FAM177A1: variants seen among roughly 807,000 people sequenced by gnomAD.
FAM177A1 encodes protein FAM177A1.
FAM177A1 carries 22 observed loss-of-function variants against 26.1 expected under a neutral mutation model. The observed-to-expected ratio is 0.84, with a 90% CI of 0.60 to 1.20. The LOEUF (loss-of-function observed/expected upper bound fraction) is 1.20, where lower values mean the gene tolerates loss of function less well. Among genes scored for constraint, FAM177A1 ranks in the 50% most tolerant of loss-of-function variants. FAM177A1 has a pLI of 0.00. For synonymous variants in FAM177A1, 95 were observed against 99.3 expected (o/e 0.96, Z 0.26); for missense variants, 296 against 291.1 (o/e 1.02, Z -0.12).
intron 2 of FAM177A1, among the ~76,000 whole-genome samples, chr14:35,071,840 A>G (rs917354245): frequency 6.6e-6 from 1 of 152,200 alleles, no homozygotes; most frequent in South Asian, 2.1e-4. Flanking sequence ...AAATCTGCCT[A>G]TAACTTTTTA....
intron 2 of FAM177A1, among the ~76,000 whole-genome samples, chr14:35,069,083 C>T (rs1466415707): frequency 6.6e-6 from 1 of 152,196 alleles, no homozygotes; most frequent in African/African-American, 2.4e-5. Flanking sequence ...ATGGTTTTCT[C>T]AGTGCTATTA....
chr14:35,046,635 G>T lies in FAM177A1; in HGVS notation c.165+7G>T. 7 of 1,528,518 alleles carry T rather than the reference G, an allele frequency of 4.6e-6. No homozygotes were observed. The highest frequency in any genetic ancestry group is 6.2e-6 in the Non-Finnish European group (7 of 1,134,790). The allele number at this position is 1,528,518 out of a possible 1,614,324, so 94.7% of individuals were successfully genotyped here. A position where few individuals can be genotyped will look rare whatever the true frequency, so the allele number is the denominator to read the frequency against. ...CGGGGAATCTGCAGGGCAGGTAGGT[G>T]GGGCCGCCGAGGCTGACGTCCGGGG... On this transcript the variant is annotated splice_region_variant and intron_variant, in intron 1 of 4. Transcript: ENST00000280987.
chr14:35,051,768 CT>C (rs765173168), intron 1 of FAM177A1, among the ~76,000 whole-genome samples: 8 of 152,068 alleles, frequency 5.3e-5, no homozygotes, highest in Non-Finnish European at 4.4e-5. Flanking sequence ...CTAAACTTAC[CT>C]TTGGGAGGTA....
intron 2 of FAM177A1, among the ~76,000 whole-genome samples, chr14:35,058,693 A>G (rs1041386455): frequency 6.6e-6 from 1 of 152,028 alleles, no homozygotes; most frequent in African/African-American, 2.4e-5. Flanking sequence ...TGGGAAATGT[A>G]ATGAGACCTT....
At position 35,070,114 on chromosome 14, in the gene FAM177A1, C is replaced by CAAAAAAAAAAA. The variant is rs746133319; in HGVS notation, c.340-7010_340-7000dup. On this transcript the variant is annotated intron_variant, in intron 2 of 4. Coordinates refer to ENST00000280987, the MANE Select transcript of FAM177A1 (RefSeq NM_173607.5). ...TGGGCGACAGAGTGAGACTCTGTCT[C>CAAAAAAAAAAA]AAAAAAAAAAAAAAAAAAAAAAAAA... Among the ~76,000 whole-genome samples the CAAAAAAAAAAA allele has an allele frequency of 9.8e-4, 53 of 53,852 alleles. 2 individuals carry two copies. Among genetic ancestry groups the CAAAAAAAAAAA allele is most frequent in the Admixed American group, 1.4e-3 (5 of 3,560 alleles). 35.3% of individuals were successfully genotyped at this position (53,852 alleles called of 152,430 possible).
chr14:35,066,436 C>T (rs1056324802), intron 2 of FAM177A1, among the ~76,000 whole-genome samples: 1 of 136,524 alleles, frequency 7.3e-6, no homozygotes, highest in African/African-American at 2.8e-5. Context: ...GACAGAGTGT[C>T]ACTCTGTTGC....
chr14:35,048,397 CAAAT>C (rs1390400963), intron 1 of FAM177A1, among the ~76,000 whole-genome samples: 2 of 151,896 alleles, frequency 1.3e-5, no homozygotes, highest in Non-Finnish European at 2.9e-5. Context: ...TCTTGGTTAA[CAAAT>C]AAGTACTTAA....
At chr14:35,064,043 G>C (rs1244458299) in intron 2 of FAM177A1, among the ~76,000 whole-genome samples, 1 of 112,486 alleles carries the variant, frequency 8.9e-6, no homozygotes, top group Non-Finnish European at 1.8e-5. Flanking sequence ...GCGAGACTCT[G>C]TCTCAAAAAA....
intron 2 of FAM177A1, among the ~76,000 whole-genome samples, chr14:35,067,276 C>T (rs1034880855): frequency 2.0e-5 from 3 of 152,142 alleles, no homozygotes; most frequent in Non-Finnish European, 2.9e-5. Flanking sequence ...AAAGTGAAAA[C>T]GTGGCATTAT....
intron 2 of FAM177A1, among the ~76,000 whole-genome samples, chr14:35,063,601 C>G (rs1363430473): frequency 1.3e-5 from 2 of 152,064 alleles, no homozygotes; most frequent in African/African-American, 4.8e-5. Flanking sequence ...TAAATTTTCT[C>G]CATAGTTCCT....
intron 2 of FAM177A1, among the ~76,000 whole-genome samples, chr14:35,070,585 C>T (rs941110231): frequency 7.2e-5 from 11 of 152,182 alleles, no homozygotes; most frequent in African/African-American, 2.7e-4. Context: ...ACCTTGGCCT[C>T]CCAAAGTGCT....
intron 3 of FAM177A1, 99 bp downstream of exon 3, chr14:35,077,315 T>C (rs760355342): frequency 1.8e-6 from 2 of 1,090,382 alleles, no homozygotes; most frequent in Admixed American, 1.7e-5. Context: ...GGAGAAACAA[T>C]AGGGAGTTAA....
chr14:35,048,359 G>A (rs1158099472), intron 1 of FAM177A1, among the ~76,000 whole-genome samples: 1 of 151,956 alleles, frequency 6.6e-6, no homozygotes. Flanking sequence ...CTTTGATTGG[G>A]GTTAGTGATA....
At chr14:35,080,897 G>GATTTGAAC (rs1454414606) in intron 4 of FAM177A1, 125 bp from the exon 5 acceptor site, 1 of 1,343,366 alleles carries the variant, frequency 7.4e-7, no homozygotes, top group Non-Finnish European at 9.7e-7. Flanking sequence ...AGACCAAACT[G>GATTTGAAC]ATTTGAACAT....
intron 2 of FAM177A1, among the ~76,000 whole-genome samples, chr14:35,065,099 A>G (rs1193486237): frequency 6.6e-6 from 1 of 151,988 alleles, no homozygotes; most frequent in East Asian, 1.9e-4. Flanking sequence ...CTGTAGCTTA[A>G]TGTAGAATTA....
At chr14:35,045,829 C>T (rs1017864246), upstream of FAM177A1, among the ~76,000 whole-genome samples, 2 of 152,198 alleles carry the variant, frequency 1.3e-5, no homozygotes, top group South Asian at 2.1e-4. Context: ...TCCTTCAGGT[C>T]TTTTCACTTA....
At chr14:35,048,202 A>G (rs991043377) in intron 1 of FAM177A1, among the ~76,000 whole-genome samples, 1 of 152,170 alleles carries the variant, frequency 6.6e-6, no homozygotes, top group African/African-American at 2.4e-5. Context: ...CTTTGAGTCC[A>G]TGGTGCTTGA....
chr14:35,066,604 C>T (rs974355033), intron 2 of FAM177A1, among the ~76,000 whole-genome samples: 3 of 150,680 alleles, frequency 2.0e-5, no homozygotes, highest in Non-Finnish European at 4.4e-5. Flanking sequence ...GAGGTTTCAC[C>T]ATGATGGCTA....
chr14:35,046,622 A>C lies in FAM177A1; in HGVS notation c.159A>C (p.Ala53=). The change falls in exon 1 of 5, where the codon GCA becomes GCC. Residue 53 remains alanine (A), a synonymous_variant. Coordinates refer to ENST00000280987, the MANE Select transcript of FAM177A1 (RefSeq NM_173607.5). ...AAAAAAFGES[A]GQMSNERGFE... ...CCGCCGCGGCATTCGGGGAATCTGC[A>C]GGGCAGGTAGGTGGGGCCGCCGAGG... is the stretch of plus-strand genomic sequence containing the variant. 6.5e-7 allele frequency: 1 copy of C among 1,537,830 alleles called. No homozygotes were observed. The highest frequency in any genetic ancestry group is 8.8e-7 in the Non-Finnish European group (1 of 1,140,444).
Sources: allele counts gnomAD v4.1 joint callset (sites outside exome capture counted in the v4.1 genomes callset), GRCh38; gene constraint gnomAD v4.1.1; transcripts MANE v1.5; gene names NCBI Gene and HGNC (gene_info 2026-07-23, HGNC 2026-07-21).